The following ST3GAL2 variants were observed in gnomAD, a reference collection of about 807,000 sequenced individuals.
The protein encoded by ST3GAL2 is CMP-N-acetylneuraminate-beta-galactosamide-alpha-2,3-sialyltransferase 2.
A neutral mutation model predicts 37.5 loss-of-function variants in ST3GAL2; 16 were observed. That is an observed-to-expected ratio of 0.43 (90% confidence interval 0.29 to 0.65). ST3GAL2 has a LOEUF of 0.65. Ranked by LOEUF, ST3GAL2 falls within the 30% of genes least tolerant of loss-of-function variation. The pLI is 0.17. For synonymous variants in ST3GAL2, 238 were observed against 202.9 expected (o/e 1.17, Z -1.47); for missense variants, 383 against 487.8 (o/e 0.79, Z 2.02).
At chr16:70,438,158 G>C (rs1286456251) in intron 1 of ST3GAL2, among the ~76,000 whole-genome samples, 1 of 152,202 alleles carries the variant, frequency 6.6e-6, no homozygotes, top group Non-Finnish European at 1.5e-5. Flanking sequence ...GAGGGAACCC[G>C]GAGTGGGTTA....
intron 1 of ST3GAL2, among the ~76,000 whole-genome samples, chr16:70,401,532 A>T (rs2047554751): frequency 6.6e-6 from 1 of 152,120 alleles, no homozygotes; most frequent in Admixed American, 6.5e-5. Context: ...CTAAAAAAAA[A>T]ATCAAAGGCC....
chr16:70,398,963 T>G lies in ST3GAL2; in HGVS notation c.-433A>C. On this transcript the variant is annotated 5_prime_UTR_variant, in exon 2 of 7. Coordinates refer to ENST00000342907, the MANE Select transcript of ST3GAL2 (RefSeq NM_006927.4). ...GTCCTTGTGGTTCATGAGCAGACAATGAGGCGGCCCCTCGTTCCCGGCAGC... is the reference window on the plus strand; with the variant it reads ...GTCCTTGTGGTTCATGAGCAGACAAGGAGGCGGCCCCTCGTTCCCGGCAGC... 2.4e-6 allele frequency: 1 copy of G among 417,420 alleles called. No individual in the cohort carries two copies. The allele number at this position is 417,420 out of a possible 1,614,324, so 25.9% of individuals were successfully genotyped here.
chr16:70,438,407 T>G (rs1225420055), intron 1 of ST3GAL2, among the ~76,000 whole-genome samples: 1 of 152,112 alleles, frequency 6.6e-6, no homozygotes, highest in South Asian at 2.1e-4. Context: ...CGTGCCTCAG[T>G]TTCCCCAAAG....
intron 1 of ST3GAL2, among the ~76,000 whole-genome samples, chr16:70,434,343 A>G (rs1281561000): frequency 6.6e-6 from 1 of 152,058 alleles, no homozygotes; most frequent in African/African-American, 2.4e-5. Flanking sequence ...AGGCTGAGGC[A>G]TGAGAGTCGC....
At chr16:70,382,348 T>C (rs762859982) in intron 6 of ST3GAL2, among the ~76,000 whole-genome samples, 1 of 152,194 alleles carries the variant, frequency 6.6e-6, no homozygotes, top group Admixed American at 6.6e-5. Context: ...AATGCCGCTA[T>C]CTCGGCTCAC....
intron 2 of ST3GAL2, 61 bp downstream of exon 2, chr16:70,398,131 G>A (rs1473919794): frequency 1.9e-6 from 3 of 1,547,244 alleles, no homozygotes; most frequent in Non-Finnish European, 2.6e-6. Flanking sequence ...AATCCAAGAG[G>A]GGGCTCTGAG....
In ST3GAL2 at chr16:70,384,719, A is replaced by C. The variant is rs531725023; in HGVS notation, c.714-1484T>G. 4.0e-5 allele frequency among the ~76,000 whole-genome samples: 6 copies of C among 150,778 alleles called. No homozygotes were observed. The South Asian group carries it at 6.3e-4, about 16-fold the overall frequency. The stretch of plus-strand genomic sequence containing the variant: ...AAACTCTGTCTCAAAAAAAAAAAAA[A>C]AAAAAAACACAATAGTCAAATCAGG... On this transcript the variant is annotated intron_variant, in intron 4 of 6. Transcript: ENST00000342907.
At chr16:70,421,021 G>C (rs1223306171) in intron 1 of ST3GAL2, among the ~76,000 whole-genome samples, 2 of 152,222 alleles carry the variant, frequency 1.3e-5, no homozygotes, top group Non-Finnish European at 2.9e-5. Context: ...GTGCCATCTG[G>C]TAACTTCCAG....
chr16:70,434,204 C>T (rs1248036949), intron 1 of ST3GAL2, among the ~76,000 whole-genome samples: 19 of 152,080 alleles, frequency 1.2e-4, no homozygotes, highest in Admixed American at 1.2e-3. Flanking sequence ...TTTGGGAGGC[C>T]GAGGCAGGCG....
chr16:70,382,579 C>T (rs1363562882), intron 6 of ST3GAL2, among the ~76,000 whole-genome samples: 3 of 152,122 alleles, frequency 2.0e-5, no homozygotes, highest in African/African-American at 4.8e-5. Flanking sequence ...CCACCGCGCA[C>T]GGCCAATAAC....
chr16:70,385,865 T>G (rs1242429981), intron 4 of ST3GAL2, among the ~76,000 whole-genome samples: 1 of 151,346 alleles, frequency 6.6e-6, no homozygotes. Context: ...TGCCACCATG[T>G]CTGGCTAATT....
In ST3GAL2 at chr16:70,391,509, G is replaced by C. The variant is rs145040053; in HGVS notation, c.534-2963C>G. Among the ~76,000 whole-genome samples, 56 of 152,306 alleles carry C rather than the reference G, an allele frequency of 3.7e-4. No homozygotes were observed. In the East Asian group the frequency reaches 0.01, roughly 28 times the overall value. ...ACCCCTGAATAACTCTTAATAGCTT[G>C]TGGGCTGCTAAACTCCCCATGCAGG... On this transcript the variant is annotated intron_variant, in intron 3 of 6. Coordinates refer to ENST00000342907, the MANE Select transcript of ST3GAL2 (RefSeq NM_006927.4).
intron 1 of ST3GAL2, among the ~76,000 whole-genome samples, chr16:70,429,009 T>TG (rs1205270875): frequency 1.3e-5 from 2 of 152,110 alleles, no homozygotes; most frequent in Non-Finnish European, 2.9e-5. Flanking sequence ...AGAGACCAGA[T>TG]GGAGTTTTCT....
At chr16:70,428,375 G>A (rs903388035) in intron 1 of ST3GAL2, among the ~76,000 whole-genome samples, 2 of 152,220 alleles carry the variant, frequency 1.3e-5, no homozygotes, top group African/African-American at 4.8e-5. Flanking sequence ...AGCTATCTGG[G>A]ATTACAAAAC....
Position 70,400,000 on chromosome 16 carries a change from C to T in ST3GAL2, c.-1003-467G>A, listed in dbSNP as rs539647722. 16 of 152,400 alleles carry T rather than the reference C, an allele frequency of 1.0e-4. 1 individual carries two copies. The highest frequency in any genetic ancestry group is 3.6e-4 in the African/African-American group (15 of 41,574). The allele number at this position is 152,400 out of a possible 1,614,324, so 9.4% of individuals were successfully genotyped here. ...CGGTCTCTGACCGCCCCTCTTCTCT[C>T]GACTGTGGATTATCGATGAGGTATT... On this transcript the variant is annotated intron_variant, in intron 1 of 6. Coordinates refer to ENST00000342907, the MANE Select transcript of ST3GAL2 (RefSeq NM_006927.4).
At position 70,383,244 on chromosome 16, in the gene ST3GAL2, A is replaced by G. The variant is rs2047418401; in HGVS notation, c.714-9T>C. 2 of 1,600,340 alleles carry G rather than the reference A, an allele frequency of 1.2e-6. No individual in the cohort carries two copies. The highest frequency in any genetic ancestry group is 1.7e-6 in the Non-Finnish European group (2 of 1,176,644). ...TCACTGGGGCGTAGGTGCTGTAAGC[A>G]AAAAGAAAGAAAGATAACATTTCAG... On this transcript the variant is annotated splice_polypyrimidine_tract_variant and intron_variant, in intron 4 of 6. Coordinates refer to ENST00000342907, the MANE Select transcript of ST3GAL2 (RefSeq NM_006927.4).
Position 70,379,599 on chromosome 16 carries a change from C to A in ST3GAL2, c.*2090G>T, listed in dbSNP as rs531679411. The A allele has an allele frequency of 6.6e-6, 1 of 152,254 alleles. No individual in the cohort carries two copies. The highest frequency in any genetic ancestry group is 6.5e-5 in the Admixed American group (1 of 15,270). 9.4% of individuals were successfully genotyped at this position (152,254 alleles called of 1,614,324 possible). ...CAGAAAATCTGGCTGGATGCTGGGA[C>A]CTACCTCTTCCAGGATGGGGATTCA... On this transcript the variant is annotated 3_prime_UTR_variant, in exon 7 of 7. Coordinates refer to ENST00000342907, the MANE Select transcript of ST3GAL2 (RefSeq NM_006927.4).
At chr16:70,420,246 T>A (rs1056953816) in intron 1 of ST3GAL2, among the ~76,000 whole-genome samples, 2 of 152,042 alleles carry the variant, frequency 1.3e-5, no homozygotes, top group South Asian at 4.1e-4. Flanking sequence ...AGAAAGCCTT[T>A]TGTATGGCAG....
At chr16:70,394,928 T>A in intron 3 of ST3GAL2, 54 bp downstream of exon 3, 1 of 1,579,792 alleles carries the variant, frequency 6.3e-7, no homozygotes, top group Non-Finnish European at 8.6e-7. Context: ...AGGAGGGCAG[T>A]CCCCTTCCCG....
Sources: gnomAD v4.1 joint callset for allele counts (sites outside exome capture counted in the v4.1 genomes callset) on GRCh38, gnomAD v4.1.1 for gene constraint, MANE v1.5 for transcripts, NCBI Gene and HGNC (gene_info 2026-07-23, HGNC 2026-07-21) for gene names.